Variants in ZCCHC7 observed in about 807,000 individuals in gnomAD.
ZCCHC7 encodes zinc finger CCHC-type containing 7.
A neutral mutation model predicts 52.0 loss-of-function variants in ZCCHC7; 35 were observed. The ratio of observed to expected loss-of-function variants is 0.67; its 90% CI spans 0.51 to 0.89. ZCCHC7 has a LOEUF of 0.89. ZCCHC7 is among the 40% of genes least tolerant of loss of function. ZCCHC7 has a pLI of 0.00. For synonymous variants in ZCCHC7, 217 were observed against 221.5 expected (o/e 0.98, Z 0.18); for missense variants, 574 against 649.1 (o/e 0.88, Z 1.26).
intron 2 of ZCCHC7, among the ~76,000 whole-genome samples, chr9:37,152,546 C>G (rs1284971700): frequency 1.3e-5 from 2 of 151,754 alleles, no homozygotes; most frequent in Non-Finnish European, 2.9e-5. Flanking sequence ...TCAGACTTTC[C>G]TTTTTTTTGA....
intron 6 of ZCCHC7, among the ~76,000 whole-genome samples, chr9:37,347,916 A>G (rs906291256): frequency 2.6e-5 from 4 of 152,174 alleles, no homozygotes; most frequent in Non-Finnish European, 5.9e-5. Flanking sequence ...AAAGTCTGTT[A>G]CTGTATTCTC....
intron 3 of ZCCHC7, 26 bp downstream of exon 3, chr9:37,302,257 C>T (rs1401957809): frequency 6.4e-7 from 1 of 1,562,780 alleles, no homozygotes; most frequent in Non-Finnish European, 8.8e-7. Flanking sequence ...TTTTAAAATT[C>T]AGAATAATAA....
intron 2 of ZCCHC7, among the ~76,000 whole-genome samples, chr9:37,175,478 C>T (rs1003128829): frequency 2.0e-5 from 3 of 152,050 alleles, no homozygotes; most frequent in South Asian, 2.1e-4. Context: ...CCGAGATAGG[C>T]GGGTCACTTG....
intron 2 of ZCCHC7, among the ~76,000 whole-genome samples, chr9:37,236,398 T>G (rs961888396): frequency 6.6e-6 from 1 of 151,158 alleles, no homozygotes; most frequent in African/African-American, 2.4e-5. Context: ...TTTTTTTATC[T>G]GAAGTGCTAT....
chr9:37,250,300 C>CTTTTTTT (rs1220457810), intron 2 of ZCCHC7, among the ~76,000 whole-genome samples: 1 of 132,458 alleles, frequency 7.5e-6, no homozygotes, highest in Non-Finnish European at 1.6e-5. Context: ...CTTTCTCTCT[C>CTTTTTTT]TTTTTTTTTT....
At position 37,354,858 on chromosome 9, in the gene ZCCHC7, G is replaced by T; in HGVS notation, c.1198+34G>T. 7.1e-7 allele frequency: 1 copy of T among 1,408,922 alleles called. No individual in the cohort carries two copies. The highest frequency in any genetic ancestry group is 9.9e-7 in the Non-Finnish European group (1 of 1,009,270). 87.3% of individuals were successfully genotyped at this position (1,408,922 alleles called of 1,614,324 possible). A position where few individuals can be genotyped will look rare whatever the true frequency, so the allele number is the denominator to read the frequency against. ...CTAGACTTCTTGTTAGATCACATTT[G>T]CAGTAGTTTCTAAATTTCTTTGTTT... is the stretch of plus-strand genomic sequence containing the variant. On this transcript the variant is annotated intron_variant, in intron 8 of 8. Coordinates refer to ENST00000336755, the MANE Select transcript of ZCCHC7 (RefSeq NM_032226.3). This position sits in a 1 kb window ranked among gnomAD's most constrained non-coding sequence, Gnocchi z 4.0.
At chr9:37,267,566 C>CTTTTTTTT (rs983055913) in intron 2 of ZCCHC7, among the ~76,000 whole-genome samples, 2 of 115,294 alleles carry the variant, frequency 1.7e-5, no homozygotes, top group Non-Finnish European at 3.5e-5. Context: ...CTAATTTTTT[C>CTTTTTTTT]TTTTTTTTTT....
At chr9:37,207,042 C>T (rs903680498) in intron 2 of ZCCHC7, among the ~76,000 whole-genome samples, 2 of 152,078 alleles carry the variant, frequency 1.3e-5, no homozygotes, top group African/African-American at 4.8e-5. Flanking sequence ...GGGAGGATCG[C>T]TTGAACCCAG....
chr9:37,215,013 T>C (rs1588494123), intron 2 of ZCCHC7, among the ~76,000 whole-genome samples: 1 of 152,114 alleles, frequency 6.6e-6, no homozygotes, highest in Non-Finnish European at 1.5e-5. Context: ...TTTAATAACA[T>C]TGATATTCTG....
chr9:37,237,868 A>G (rs1825723977), intron 2 of ZCCHC7, among the ~76,000 whole-genome samples: 1 of 152,168 alleles, frequency 6.6e-6, no homozygotes, highest in Non-Finnish European at 1.5e-5. Context: ...TCACAGCATT[A>G]TAAAGGAGAC....
chr9:37,230,889 CTTTT>C (rs1011120860), intron 2 of ZCCHC7, among the ~76,000 whole-genome samples: 1 of 151,768 alleles, frequency 6.6e-6, no homozygotes, highest in Non-Finnish European at 1.5e-5. Flanking sequence ...TTACTCTAGA[CTTTT>C]TTTTACACCA....
chr9:37,352,535 T>TG (rs1821445885), intron 7 of ZCCHC7, among the ~76,000 whole-genome samples: 1 of 143,432 alleles, frequency 7.0e-6, no homozygotes, highest in African/African-American at 2.8e-5. Context: ...TTTTTTTTTT[T>TG]GAGACAGAGT....
chr9:37,329,309 A>C (rs1830364636), intron 6 of ZCCHC7, among the ~76,000 whole-genome samples: 1 of 151,764 alleles, frequency 6.6e-6, no homozygotes, highest in African/African-American at 2.4e-5. Context: ...AATTTGTTTC[A>C]ATGTAACAGA....
At chr9:37,175,236 G>GT (rs1385066123) in intron 2 of ZCCHC7, among the ~76,000 whole-genome samples, 1 of 152,040 alleles carries the variant, frequency 6.6e-6, no homozygotes, top group East Asian at 1.9e-4. Flanking sequence ...ATTATTTAAA[G>GT]TTCTTATCTT....
At chr9:37,136,655 C>T (rs1843010203) in intron 2 of ZCCHC7, among the ~76,000 whole-genome samples, 1 of 152,130 alleles carries the variant, frequency 6.6e-6, no homozygotes, top group Admixed American at 6.6e-5. Context: ...GGAGTTTCAC[C>T]ATTTTGCCCA....
At chr9:37,237,898 G>A (rs915555467) in intron 2 of ZCCHC7, among the ~76,000 whole-genome samples, 4 of 152,066 alleles carry the variant, frequency 2.6e-5, no homozygotes, top group African/African-American at 9.7e-5. Flanking sequence ...AAACACTAAT[G>A]ATCGTAATCC....
chr9:37,333,334 A>G (rs575475746), intron 6 of ZCCHC7, among the ~76,000 whole-genome samples: 35 of 151,784 alleles, frequency 2.3e-4, no homozygotes, highest in African/African-American at 8.4e-4. Context: ...TTTGGCTCAT[A>G]TTTTTAGATA....
chr9:37,322,844 T>C (rs988464353), intron 5 of ZCCHC7, among the ~76,000 whole-genome samples: 1 of 152,092 alleles, frequency 6.6e-6, no homozygotes, highest in African/African-American at 2.4e-5. Flanking sequence ...AGAGTTGACC[T>C]TGGTACAGTA....
chr9:37,147,224 C>T (rs1843471908), intron 2 of ZCCHC7: 1 of 151,876 alleles, frequency 6.6e-6, no homozygotes, highest in South Asian at 2.1e-4. Context: ...ACTTCAAAAA[C>T]AGTTGAAGGG....
Sources: gnomAD v4.1 joint callset for allele counts (sites outside exome capture counted in the v4.1 genomes callset) on GRCh38, gnomAD v4.1.1 for gene constraint, Gnocchi (gnomAD v3.1) non-coding constraint, MANE v1.5 for transcripts, NCBI Gene and HGNC (gene_info 2026-07-23, HGNC 2026-07-21) for gene names.